The following PHF21B variants were observed in gnomAD, a reference collection of about 807,000 sequenced individuals.
The protein encoded by PHF21B is PHD finger protein 4.
In PHF21B, 22 loss-of-function variants were observed where a neutral mutation model predicts 62.2. The observed-to-expected ratio is 0.35, with a 90% CI of 0.25 to 0.51. The LOEUF is 0.51. PHF21B is among the 20% of genes least tolerant of loss of function. The pLI, the probability that PHF21B is intolerant of heterozygous loss-of-function variation, is 0.97. For synonymous variants in PHF21B, 341 were observed against 314.7 expected, an observed-to-expected ratio of 1.08 and a Z score of -0.88; for missense variants, 701 against 707.9, an observed-to-expected ratio of 0.99 and a Z score of 0.11.
intron 2 of PHF21B, among the ~76,000 whole-genome samples, chr22:44,981,452 C>T (rs1334273273): frequency 6.6e-6 from 1 of 152,240 alleles, no homozygotes; most frequent in Admixed American, 6.5e-5. Flanking sequence ...GGACCCTGTG[C>T]TGTCATGAAC....
rs2073317787 is a variant in PHF21B at position 45,006,572 on chromosome 22, T to C, written c.120+1973A>G. On this transcript the variant is annotated intron_variant, in intron 2 of 12. Coordinates refer to ENST00000313237, the MANE Select transcript of PHF21B (RefSeq NM_138415.5). ...AGATAATAAATAGCGACTCATTTAC[T>C]ATCATCATAAAAATTTAAACAGCCT... Among the ~76,000 whole-genome samples, 3 of 152,252 alleles carry C rather than the reference T, an allele frequency of 2.0e-5. No homozygotes were observed. The South Asian group carries it at 6.2e-4, about 31-fold the overall frequency.
At chr22:44,957,382 G>C (rs1159432736) in intron 2 of PHF21B, among the ~76,000 whole-genome samples, 1 of 152,244 alleles carries the variant, frequency 6.6e-6, no homozygotes, top group African/African-American at 2.4e-5. Flanking sequence ...TGTAGAAGGA[G>C]TGAGAGAGAC....
rs941351250 is a variant in PHF21B, at chr22:44,919,773, G to T, written c.213+625C>A. Among the ~76,000 whole-genome samples, 8 of 152,222 alleles carry T rather than the reference G, an allele frequency of 5.3e-5. 1 individual carries two copies. In the East Asian group the frequency reaches 1.5e-3, roughly 29 times the overall value. On this transcript the variant is annotated intron_variant, in intron 3 of 12. Coordinates refer to ENST00000313237, the MANE Select transcript of PHF21B (RefSeq NM_138415.5). Reference sequence around the variant, plus strand: ...TACCAGGCACGGTTACAAATGTTTTGTCTTGACTCAATACTCACAGCCACC... The same window carrying T: ...TACCAGGCACGGTTACAAATGTTTTTTCTTGACTCAATACTCACAGCCACC...
At chr22:45,006,738 TTCTC>T (rs914736903) in intron 2 of PHF21B, among the ~76,000 whole-genome samples, 12 of 152,242 alleles carry the variant, frequency 7.9e-5, no homozygotes, top group South Asian at 4.1e-4. Flanking sequence ...TTTTTTCTTC[TTCTC>T]TCTCTCTTTT....
intron 5 of PHF21B, chr22:44,902,219 C>T: frequency 1.0e-5 from 2 of 197,088 alleles, no homozygotes. Context: ...CAAGCAGCAG[C>T]AGCTGCAGAA....
chr22:44,911,425 A>T (rs2071341782), intron 5 of PHF21B, among the ~76,000 whole-genome samples: 1 of 152,068 alleles, frequency 6.6e-6, no homozygotes, highest in South Asian at 2.1e-4. Flanking sequence ...GTTTAGGAGG[A>T]AAAAATGTTT....
rs11312000 is a variant in PHF21B, at chr22:44,957,903, ATT to A, written c.121-37415_121-37414del. ...TAGCTGGACCTGATCACCACTGGAC[ATT>A]TTTTTTTTTTTTTTGAGATGGAGTT... is the stretch of plus-strand genomic sequence containing the variant. On this transcript the variant is annotated intron_variant, in intron 2 of 12. Coordinates refer to ENST00000313237, the MANE Select transcript of PHF21B (RefSeq NM_138415.5). Among the ~76,000 whole-genome samples, 376 of 138,174 alleles carry A rather than the reference ATT, an allele frequency of 2.7e-3. 1 individual carries two copies. Among genetic ancestry groups the A allele is most frequent in the African/African-American group, 2.9e-3 (107 of 37,514 alleles). 90.6% of individuals were successfully genotyped at this position (138,174 alleles called of 152,430 possible).
intron 2 of PHF21B, among the ~76,000 whole-genome samples, chr22:45,000,399 C>CGAGT (rs2073194086): frequency 6.6e-6 from 1 of 151,998 alleles, no homozygotes; most frequent in African/African-American, 2.4e-5. Context: ...GCAGATGGGG[C>CGAGT]GAGTAGCAGC....
intron 2 of PHF21B, among the ~76,000 whole-genome samples, chr22:44,934,865 GACCC>G (rs2071813259): frequency 6.6e-6 from 1 of 152,154 alleles, no homozygotes; most frequent in African/African-American, 2.4e-5. Flanking sequence ...CTTAACTCCA[GACCC>G]ACCGAAAGCT....
At chr22:44,972,889 T>C (rs1037293288) in intron 2 of PHF21B, among the ~76,000 whole-genome samples, 4 of 151,846 alleles carry the variant, frequency 2.6e-5, no homozygotes, top group African/African-American at 7.3e-5. Flanking sequence ...AAGGCCCAAG[T>C]AGGCCAAGGA....
chr22:44,888,166 G>GCAGGAGACAGGTCAGCCA (rs1436143036), intron 9 of PHF21B, 45 bp from the exon 10 acceptor site: 1 of 1,447,382 alleles, frequency 6.9e-7, no homozygotes, highest in East Asian at 3.0e-5. Context: ...CACAGCCAGG[G>GCAGGAGACAGGTCAGCCA]CAGCGGGGGC....
intron 2 of PHF21B, among the ~76,000 whole-genome samples, chr22:44,982,022 T>C (rs2072851204): frequency 6.6e-6 from 1 of 152,226 alleles, no homozygotes; most frequent in Non-Finnish European, 1.5e-5. Context: ...CCTTGGCAAA[T>C]GCGGTTTCCC....
chr22:45,007,728 GAGTGC>G (rs2073349793), intron 2 of PHF21B, among the ~76,000 whole-genome samples: 1 of 28,682 alleles, frequency 3.5e-5, no homozygotes, highest in Non-Finnish European at 1.2e-4. Flanking sequence ...GCGGGTGTGC[GAGTGC>G]GGGGAGGGGG....
At chr22:44,921,016 G>C (rs1435896599) in intron 2 of PHF21B, among the ~76,000 whole-genome samples, 1 of 152,218 alleles carries the variant, frequency 6.6e-6, no homozygotes, top group East Asian at 1.9e-4. Context: ...CATTTCTGTA[G>C]GAGAGTCTGA....
intron 3 of PHF21B, among the ~76,000 whole-genome samples, chr22:44,919,370 AT>A (rs1227574560): frequency 6.6e-6 from 1 of 152,086 alleles, no homozygotes; most frequent in African/African-American, 2.4e-5. Context: ...GTTTTTTGCC[AT>A]TTTTTTCCCT....
chr22:44,888,322 G>A lies in PHF21B; in HGVS notation c.1039-201C>T, dbSNP rs527529531. ...GGTCAGGCCTGGGCCCTGGGAGGAG[G>A]GGGGGCACCCACAGGGCCAGATTTA... On this transcript the variant is annotated intron_variant, in intron 9 of 12. Coordinates refer to ENST00000313237, the MANE Select transcript of PHF21B (RefSeq NM_138415.5). Among the ~76,000 whole-genome samples, 6 of 152,274 alleles carry A rather than the reference G, an allele frequency of 3.9e-5. No individual in the cohort carries two copies. The South Asian group carries it at 1.0e-3, about 26-fold the overall frequency.
At chr22:44,918,879 T>C (rs1266394313) in intron 3 of PHF21B, among the ~76,000 whole-genome samples, 1 of 152,176 alleles carries the variant, frequency 6.6e-6, no homozygotes, top group Admixed American at 6.5e-5. Context: ...AAGCCTCGCA[T>C]AGCTCCCTGC....
intron 2 of PHF21B, among the ~76,000 whole-genome samples, chr22:44,958,703 T>A (rs1478263802): frequency 6.9e-6 from 1 of 144,782 alleles, no homozygotes; most frequent in Non-Finnish European, 1.5e-5. Context: ...CCTCCTGGGT[T>A]CAAGTGACTC....
intron 2 of PHF21B, among the ~76,000 whole-genome samples, chr22:44,941,707 T>C (rs1260258649): frequency 6.6e-6 from 1 of 152,068 alleles, no homozygotes; most frequent in Non-Finnish European, 1.5e-5. Flanking sequence ...GAGCACCCAC[T>C]AGATGCTGGG....
Sources: gnomAD v4.1 joint callset for allele counts (sites outside exome capture counted in the v4.1 genomes callset) on GRCh38, gnomAD v4.1.1 for gene constraint, MANE v1.5 for transcripts, NCBI Gene and HGNC (gene_info 2026-07-23, HGNC 2026-07-21) for gene names.